Variants in SLTM observed in about 807,000 individuals in gnomAD.
SLTM encodes the protein SAFB like transcription modulator.
A neutral mutation model predicts 134.6 loss-of-function variants in SLTM; 43 were observed. That is an observed-to-expected ratio of 0.32 (90% CI 0.25 to 0.41). The LOEUF is 0.41. Among genes scored for constraint, SLTM ranks in the 10% least tolerant of loss-of-function variants. The pLI, the probability that SLTM is intolerant of heterozygous loss-of-function variation, is 1.00. For synonymous variants in SLTM, 424 were observed against 432.3 expected (o/e 0.98, Z 0.24); for missense variants, 1,055 against 1,288.8 (o/e 0.82, Z 2.78).
chr15:58,894,436 T>G lies in SLTM; in HGVS notation c.1374A>C (p.Glu458Asp). 6.2e-7 allele frequency: 1 copy of G among 1,614,104 alleles called. No homozygotes were observed. Among genetic ancestry groups the G allele is most frequent in the Non-Finnish European group, 8.5e-7 (1 of 1,179,994 alleles). ...TELHGQLISV[E>D]KVKGDPSKKE... ...ATAAACAGTTAGGGAAGCTTACTTT[T>G]TCAACAGAAATCAGCTGTCCATGCA... The change falls in exon 10 of 21, where the codon GAA (glutamate) becomes GAC (aspartate). Residue 458 changes from glutamate to aspartate, a missense_variant. Coordinates refer to ENST00000380516, the MANE Select transcript of SLTM (RefSeq NM_024755.4).
intron 9 of SLTM, among the ~76,000 whole-genome samples, chr15:58,895,239 G>A (rs1234859884): frequency 2.0e-5 from 3 of 152,100 alleles, no homozygotes; most frequent in African/African-American, 4.8e-5. Context: ...TTTAGAGAAA[G>A]TTTCTAGTAT....
At chr15:58,916,178 CTT>C (rs11455727) in intron 3 of SLTM, among the ~76,000 whole-genome samples, 12 of 138,662 alleles carry the variant, frequency 8.7e-5, no homozygotes, top group Admixed American at 1.5e-4. Context: ...CTCTCTCTCT[CTT>C]TTTTTTTTTT....
chr15:58,889,317 T>C (rs1283103507), intron 16 of SLTM, 113 bp downstream of exon 16: 2 of 1,367,122 alleles, frequency 1.5e-6, no homozygotes, highest in African/African-American at 2.9e-5. Flanking sequence ...CCATCCCTGT[T>C]GATCATGACT....
At chr15:58,923,876 G>A (rs1595938644) in intron 2 of SLTM, among the ~76,000 whole-genome samples, 1 of 139,982 alleles carries the variant, frequency 7.1e-6, no homozygotes, top group Admixed American at 8.1e-5. Context: ...GTGCAGAGGC[G>A]CTATCTTGGC....
intron 4 of SLTM, 93 bp downstream of exon 4, chr15:58,913,406 C>A: frequency 9.4e-7 from 1 of 1,066,896 alleles, no homozygotes; most frequent in Admixed American, 2.8e-5. Context: ...TTTAAAAATT[C>A]TGAGACTTCC....
rs1264948244 is a variant in SLTM, at chr15:58,922,295, T to C, written c.251-5296A>G. Among the ~76,000 whole-genome samples the C allele has an allele frequency of 2.9e-5, 4 of 135,982 alleles. No homozygotes were observed. In the East Asian group the frequency reaches 8.6e-4, roughly 29 times the overall value. The allele number at this position is 135,982 out of a possible 152,430, so 89.2% of individuals were successfully genotyped here. ...GGGAGGCTGAGGCAGAAGAATTGCTTGAACCCGGGTGGTGGAGGTTGCAGT... is the reference window on the plus strand; with the variant it reads ...GGGAGGCTGAGGCAGAAGAATTGCTCGAACCCGGGTGGTGGAGGTTGCAGT... On this transcript the variant is annotated intron_variant, in intron 2 of 20. Coordinates refer to ENST00000380516, the MANE Select transcript of SLTM (RefSeq NM_024755.4).
At chr15:58,921,339 G>C (rs527295403) in intron 2 of SLTM, 1 of 155,882 alleles carries the variant, frequency 6.4e-6, no homozygotes, top group African/African-American at 2.4e-5. Context: ...AAAACCATTC[G>C]ATCTCTGAGG....
chr15:58,908,817 AAT>A (rs2036061191), intron 5 of SLTM, among the ~76,000 whole-genome samples: 1 of 152,242 alleles, frequency 6.6e-6, no homozygotes, highest in African/African-American at 2.4e-5. Flanking sequence ...CCTTGCAAAA[AAT>A]ATGTCTTAAA....
chr15:58,923,700 T>C (rs1462109513), intron 2 of SLTM, among the ~76,000 whole-genome samples: 1 of 152,148 alleles, frequency 6.6e-6, no homozygotes, highest in Non-Finnish European at 1.5e-5. Context: ...TTCACCTCTT[T>C]TGTCCTACAG....
chr15:58,916,881 T>A, intron 3 of SLTM, 54 bp downstream of exon 3: 2 of 1,518,218 alleles, frequency 1.3e-6, no homozygotes, highest in Non-Finnish European at 1.8e-6. Context: ...AAATTCATGA[T>A]GCAAAATACT....
chr15:58,915,346 T>C (rs181250211), intron 3 of SLTM, among the ~76,000 whole-genome samples: 1 of 152,348 alleles, frequency 6.6e-6, no homozygotes, highest in Non-Finnish European at 1.5e-5. Context: ...AATAGACGTA[T>C]ATATCTCCTT....
Position 58,898,733 on chromosome 15 carries a change from C to A in SLTM, c.1108+70G>T, listed in dbSNP as rs1390670955. 6 of 1,185,844 alleles carry A rather than the reference C, an allele frequency of 5.1e-6. No individual in the cohort carries two copies. The East Asian group carries it at 1.4e-4, about 28-fold the overall frequency. The allele number at this position is 1,185,844 out of a possible 1,614,324, so 73.5% of individuals were successfully genotyped here. On this transcript the variant is annotated intron_variant, in intron 8 of 20. Coordinates refer to ENST00000380516, the MANE Select transcript of SLTM (RefSeq NM_024755.4). ...GGACTAAATGTCAAAGAAAACACCG[C>A]GCAACTACTACTTTTTAATGAAAAT...
chr15:58,920,120 A>G (rs564562781), intron 2 of SLTM, among the ~76,000 whole-genome samples: 1 of 152,224 alleles, frequency 6.6e-6, no homozygotes, highest in East Asian at 1.9e-4. Flanking sequence ...GTTTGAGAGC[A>G]GCCTGGCCAA....
Position 58,893,813 on chromosome 15 carries a change from T to G in SLTM, c.1648+8A>C, listed in dbSNP as rs780989563. 6.2e-7 allele frequency: 1 copy of G among 1,604,276 alleles called. No homozygotes were observed. Among genetic ancestry groups the G allele is most frequent in the Non-Finnish European group, 8.5e-7 (1 of 1,177,522 alleles). ...ATTAGAAAGGGATTGAAAAGATGTA[T>G]AGCATACTTATTCGCTTCTTTTCTT... is the stretch of plus-strand genomic sequence containing the variant. On this transcript the variant is annotated splice_region_variant and intron_variant, in intron 12 of 20. Coordinates refer to ENST00000380516, the MANE Select transcript of SLTM (RefSeq NM_024755.4).
chr15:58,896,404 A>G (rs1352156196), intron 9 of SLTM, among the ~76,000 whole-genome samples: 4 of 152,080 alleles, frequency 2.6e-5, no homozygotes, highest in Non-Finnish European at 5.9e-5. Flanking sequence ...TACTAAAAAT[A>G]CAAAAATTAG....
chr15:58,897,894 G>T (rs746748109), intron 8 of SLTM: 5 of 151,982 alleles, frequency 3.3e-5, no homozygotes, highest in Non-Finnish European at 5.9e-5. Context: ...ATAAATTATG[G>T]CTTCATATGT....
chr15:58,882,427 G>C (rs1404120120), intron 20 of SLTM, among the ~76,000 whole-genome samples: 1 of 152,158 alleles, frequency 6.6e-6, no homozygotes, highest in African/African-American at 2.4e-5. Context: ...GGAAACAGCA[G>C]TGTCTAAAGC....
chr15:58,924,060 C>T lies in SLTM; in HGVS notation c.251-7061G>A, dbSNP rs556921717. On this transcript the variant is annotated intron_variant, in intron 2 of 20. Coordinates refer to ENST00000380516, the MANE Select transcript of SLTM (RefSeq NM_024755.4). The stretch of plus-strand genomic sequence containing the variant: ...GAACTCCTGGCCTCAAGTGATCCAC[C>T]GGCCTCGGCCTCCCAAGGTGCTGGG... Among the ~76,000 whole-genome samples the T allele has an allele frequency of 2.9e-3, 446 of 152,222 alleles. 4 individuals carry two copies. Among genetic ancestry groups the T allele is most frequent in the Non-Finnish European group, 3.5e-3 (237 of 67,992 alleles).
rs2033928208 is a variant in SLTM, at chr15:58,883,651, C to G, written c.2971G>C (p.Ala991Pro). The G allele has an allele frequency of 1.2e-6, 2 of 1,614,136 alleles. No homozygotes were observed. Among genetic ancestry groups the G allele is most frequent in the Non-Finnish European group, 1.7e-6 (2 of 1,180,006 alleles). ...TRRMGDGRAG[A>P]GMITQHSSNA... is the part of the protein sequence containing the mutation. ...CTTGAATGTTGGGTTATCATGCCTG[C>G]TCCTGCCCGGCCGTCACCCATTCGC... Residue 991 changes from alanine (A) to proline (P), a missense_variant, in exon 20 of 21, where the codon GCA becomes CCA. Ala to Pro is a conservative substitution (Grantham distance 27). Around this residue, in one of 3 missense-constraint regions of SLTM, gnomAD observed 776 missense variants for 962.2 expected, o/e 0.81. Transcript: ENST00000380516.
Sources: gnomAD v4.1 joint callset for allele counts (sites outside exome capture counted in the v4.1 genomes callset) on GRCh38, gnomAD v4.1.1 for gene constraint, gnomAD v4.1.1 regional missense constraint, MANE v1.5 for transcripts, NCBI Gene and HGNC (gene_info 2026-07-23, HGNC 2026-07-21) for gene names.